TMEM237: variants seen among roughly 807,000 people sequenced by gnomAD.
The protein encoded by TMEM237 is transmembrane protein 237.
Under a neutral mutation model 59.1 loss-of-function variants are expected in TMEM237, and 51 were observed. The observed-to-expected ratio is 0.86, with a 90% confidence interval of 0.69 to 1.09. The LOEUF (loss-of-function observed/expected upper bound fraction) is 1.09. Ranked by LOEUF, TMEM237 falls within the 50% of genes least tolerant of loss-of-function variation. TMEM237 has a pLI of 0.00. For synonymous variants in TMEM237, 140 were observed against 166.1 expected (o/e 0.84, Z 1.21); for missense variants, 475 against 478.3 (o/e 0.99, Z 0.06).
rs965588691 is a variant in TMEM237 at position 201,620,431 on chromosome 2, T to A, written c.*3824A>T. 6.6e-6 allele frequency: 1 copy of A among 152,194 alleles called. No homozygotes were observed. The highest frequency in any genetic ancestry group is 2.4e-5 in the African/African-American group (1 of 41,452). 9.4% of individuals were successfully genotyped at this position (152,194 alleles called of 1,614,324 possible). On this transcript the variant is annotated 3_prime_UTR_variant, in exon 13 of 13. Transcript: ENST00000409883. ...CAAGCTACTTCTTGGCATATCCTTGTCAGCCTAAATAACAGAGAGGGAGAC... is the reference window on the plus strand; with the variant it reads ...CAAGCTACTTCTTGGCATATCCTTGACAGCCTAAATAACAGAGAGGGAGAC...
chr2:201,632,523 T>C (rs1190537839), intron 6 of TMEM237, among the ~76,000 whole-genome samples: 1 of 152,172 alleles, frequency 6.6e-6, no homozygotes, highest in Non-Finnish European at 1.5e-5. Flanking sequence ...TCATCTTGAA[T>C]TGTAATAATC....
At chr2:201,626,183 A>G (rs1957757238) in intron 11 of TMEM237, 36 bp from the exon 12 acceptor site, 3 of 1,600,528 alleles carry the variant, frequency 1.9e-6, no homozygotes, top group Non-Finnish European at 2.6e-6. Context: ...AAGTGCCTTC[A>G]GTTTGGTTCA....
Position 201,633,381 on chromosome 2 carries a change from G to A in TMEM237, c.325C>T (p.Arg109Ter), listed in dbSNP as rs565778005. 12 of 1,585,492 alleles carry A rather than the reference G, an allele frequency of 7.6e-6. No individual in the cohort carries two copies. Among genetic ancestry groups the A allele is most frequent in the East Asian group, 4.6e-5 (2 of 43,934 alleles). ...TCCGCATCAATACCATTTTCATTTC[G>A]TAATAAAGATGAACTAGATGACTTC... ...QKKSSSSSLLRNENGIDAEPA... is the reference protein window; with the variant it reads ...QKKSSSSSLL The change falls in exon 6 of 13, where the codon CGA (arginine) becomes TGA (stop). Residue 109 changes from arginine (R) to a stop codon, truncating the protein, a stop_gained. Transcript: ENST00000409883. LOFTEE classifies it high-confidence loss of function.
chr2:201,626,138 T>A lies in TMEM237; in HGVS notation c.1047A>T (p.Gly349=). The change falls in exon 12 of 13, where the codon GGA becomes GGT. Residue 349 remains glycine (G), a synonymous_variant. Coordinates refer to ENST00000409883, the MANE Select transcript of TMEM237 (RefSeq NM_001044385.3). ...ATGGCTGGAGAATCTGTTCCTCAAT[T>A]CCTGCTTCCCTAAAAATGTAGAAAC... is the stretch of plus-strand genomic sequence containing the variant. The part of the protein sequence containing the change: ...SSVNGSLWEA[G]IEEQILQPWI... 1 of 1,611,458 alleles carries A rather than the reference T, an allele frequency of 6.2e-7. No homozygotes were observed. The highest frequency in any genetic ancestry group is 1.3e-5 in the African/African-American group (1 of 74,978).
Position 201,636,753 on chromosome 2 carries a change from G to C in TMEM237, c.269C>G (p.Pro90Arg), listed in dbSNP as rs1254220103. Residue 90 changes from proline to arginine, a missense_variant, in exon 5 of 13, where the codon CCT (proline) becomes CGT (arginine). Coordinates refer to ENST00000409883, the MANE Select transcript of TMEM237 (RefSeq NM_001044385.3). ...ACCTTGGTTTCTTCACATACCAAGAGGTAGCCTTGTCTTTTTCTGTCTTCT... is the reference window on the plus strand; with the variant it reads ...ACCTTGGTTTCTTCACATACCAAGACGTAGCCTTGTCTTTTTCTGTCTTCT... ...VQRRQKKTRLPLELETSSTQK... is the reference protein window; with the variant it reads ...VQRRQKKTRLRLELETSSTQK... 6.4e-7 allele frequency: 1 copy of C among 1,572,166 alleles called. No homozygotes were observed. The highest frequency in any genetic ancestry group is 8.6e-7 in the Non-Finnish European group (1 of 1,157,602).
chr2:201,639,048 A>G lies in TMEM237; in HGVS notation c.80-3T>C, dbSNP rs1304612136. The G allele has an allele frequency of 1.3e-6, 2 of 1,575,042 alleles. No homozygotes were observed. Among genetic ancestry groups the G allele is most frequent in the South Asian group, 1.2e-5 (1 of 85,506 alleles). On this transcript the variant is annotated splice_polypyrimidine_tract_variant and splice_region_variant and intron_variant, in intron 3 of 12. Transcript: ENST00000409883. ...AGGACGACTAAGTGGAATATCATCTATAAAGCAAGAAAAAACGTCAACAGA... is the reference window on the plus strand; with the variant it reads ...AGGACGACTAAGTGGAATATCATCTGTAAAGCAAGAAAAAACGTCAACAGA...
rs1574573065 is a variant in TMEM237, at chr2:201,620,192, T to C, written c.*4063A>G. 1 of 152,236 alleles carries C rather than the reference T, an allele frequency of 6.6e-6. No homozygotes were observed. The highest frequency in any genetic ancestry group is 2.1e-4 in the South Asian group (1 of 4,808). The allele number at this position is 152,236 out of a possible 1,614,324, so 9.4% of individuals were successfully genotyped here. A position where few individuals can be genotyped will look rare whatever the true frequency, so the allele number is the denominator to read the frequency against. Reference sequence around the variant, plus strand: ...TGCAAACAGAACAAAACCAGAGAATTCCAGAACTTCTTTATTGTACATAAA... The same window carrying C: ...TGCAAACAGAACAAAACCAGAGAATCCCAGAACTTCTTTATTGTACATAAA... On this transcript the variant is annotated 3_prime_UTR_variant, in exon 13 of 13. Coordinates refer to ENST00000409883, the MANE Select transcript of TMEM237 (RefSeq NM_001044385.3).
At chr2:201,629,969 A>G in intron 7 of TMEM237, 117 bp from the exon 8 acceptor site, 4 of 1,338,588 alleles carry the variant, frequency 3.0e-6, no homozygotes, top group Non-Finnish European at 4.1e-6. Flanking sequence ...TTGCTGTTCT[A>G]TCTGAAAATT....
chr2:201,636,730 C>G lies in TMEM237; in HGVS notation c.274+18G>C, dbSNP rs762194214. On this transcript the variant is annotated intron_variant, in intron 5 of 12. Transcript: ENST00000409883. ...ATCACAAGTGCTATCACAACTTAAC[C>G]TTGGTTTCTTCACATACCAAGAGGT... 2.6e-6 allele frequency: 4 copies of G among 1,559,864 alleles called. No homozygotes were observed. The highest frequency in any genetic ancestry group is 3.5e-6 in the Non-Finnish European group (4 of 1,152,166).
rs578251760 is a variant in TMEM237, at chr2:201,620,618, A to G, written c.*3637T>C. 8 of 152,378 alleles carry G rather than the reference A, an allele frequency of 5.3e-5. No homozygotes were observed. Among genetic ancestry groups the G allele is most frequent in the African/African-American group, 1.9e-4 (8 of 41,594 alleles). The allele number at this position is 152,378 out of a possible 1,614,324, so 9.4% of individuals were successfully genotyped here. ...TTATCCTTGGCTACAAGGATCAATA[A>G]CAAGGATGTTGCCAGTTGGACATTG... On this transcript the variant is annotated 3_prime_UTR_variant, in exon 13 of 13. Transcript: ENST00000409883.
Position 201,629,801 on chromosome 2 carries a change from A to G in TMEM237, c.605T>C (p.Ile202Thr). 6 of 1,613,484 alleles carry G rather than the reference A, an allele frequency of 3.7e-6. No individual in the cohort carries two copies. Among genetic ancestry groups the G allele is most frequent in the Non-Finnish European group, 5.1e-6 (6 of 1,179,794 alleles). Residue 202 changes from isoleucine (I) to threonine (T), a missense_variant, in exon 8 of 13, where the codon ATA becomes ACA. Physicochemically the swap from Ile to Thr is moderately conservative, Grantham distance 89. Transcript: ENST00000409883. ...RSELIKTTENIDVSMDVKPSW... is the reference protein window; with the variant it reads ...RSELIKTTENTDVSMDVKPSW... ...AGGCTTCACGTCCATTGACACATCTATGTTTTCTGTGGTCTTTATCAACTC... is the reference window on the plus strand; with the variant it reads ...AGGCTTCACGTCCATTGACACATCTGTGTTTTCTGTGGTCTTTATCAACTC...
intron 1 of TMEM237, chr2:201,642,647 G>GCGGCCGC: frequency 6.2e-7 from 1 of 1,607,808 alleles, no homozygotes; most frequent in Admixed American, 1.7e-5. Context: ...GCCGGCCTCG[G>GCGGCCGC]CGGCCGCCGG....
rs200531617 is a variant in TMEM237 at position 201,632,165 on chromosome 2, C to T, written c.439G>A (p.Val147Ile). 480 of 1,613,784 alleles carry T rather than the reference C, an allele frequency of 3.0e-4. No homozygotes were observed. The highest frequency in any genetic ancestry group is 3.7e-4 in the Non-Finnish European group (439 of 1,179,832). Residue 147 changes from valine (V) to isoleucine (I), a missense_variant, in exon 7 of 13, where the codon GTA becomes ATA. Val to Ile is a conservative substitution (Grantham distance 29). Transcript: ENST00000409883. ...TCAGTGATTATGTCTTCATCTTCTA[C>T]TCCTAGCTCATTGGCATACTGTAAT... The part of the protein sequence containing the change: ...AELQYANELG[V>I]EDEDIITDEQ...
intron 5 of TMEM237, chr2:201,634,741 C>T (rs757094579): frequency 2.3e-5 from 5 of 217,186 alleles, no homozygotes; most frequent in Non-Finnish European, 5.2e-5. Flanking sequence ...TGCCATCATC[C>T]GCCCCTTCGT....
At chr2:201,628,244 C>T in intron 9 of TMEM237, 95 bp from the exon 10 acceptor site, 2 of 784,942 alleles carry the variant, frequency 2.5e-6, no homozygotes, top group Non-Finnish European at 2.1e-6. Flanking sequence ...TAGTCTAATG[C>T]TAGCACATAT....
At chr2:201,626,239 G>T in intron 11 of TMEM237, 92 bp from the exon 12 acceptor site, 2 of 1,348,486 alleles carry the variant, frequency 1.5e-6, no homozygotes, top group Non-Finnish European at 2.0e-6. Context: ...AAAAACAGCA[G>T]TCCTCTCCTA....
chr2:201,633,528 T>C (rs1687225273), intron 5 of TMEM237, 97 bp from the exon 6 acceptor site: 2 of 978,258 alleles, frequency 2.0e-6, no homozygotes, highest in Non-Finnish European at 2.7e-6. Context: ...TCAAGAATTT[T>C]AATTGGGCAA....
chr2:201,628,602 G>A (rs1031600969), intron 9 of TMEM237, among the ~76,000 whole-genome samples: 6 of 152,160 alleles, frequency 3.9e-5, no homozygotes, highest in African/African-American at 1.4e-4. Context: ...AGGTCATTAG[G>A]ATGAACCCTA....
rs1238511524 is a variant in TMEM237 at position 201,635,606 on chromosome 2, T to C, written c.274+1142A>G. ...GCAAAACCCTGTCTCTACTAAAAAATACAAAATTAGCCGAGCATCATGGCA... is the reference window on the plus strand; with the variant it reads ...GCAAAACCCTGTCTCTACTAAAAAACACAAAATTAGCCGAGCATCATGGCA... On this transcript the variant is annotated intron_variant, in intron 5 of 12. Transcript: ENST00000409883. The surrounding 1 kb of genome is among the most constrained non-coding windows in gnomAD (Gnocchi z 4.5). 6.6e-6 allele frequency among the ~76,000 whole-genome samples: 1 copy of C among 151,950 alleles called. No homozygotes were observed. Among genetic ancestry groups the C allele is most frequent in the Non-Finnish European group, 1.5e-5 (1 of 67,980 alleles).
Sources: allele counts gnomAD v4.1 joint callset (sites outside exome capture counted in the v4.1 genomes callset), GRCh38; gene constraint gnomAD v4.1.1; non-coding constraint Gnocchi (gnomAD v3.1); transcripts MANE v1.5; gene names NCBI Gene and HGNC (gene_info 2026-07-23, HGNC 2026-07-21).